The following CNTNAP3B variants were observed in gnomAD, a reference collection of about 807,000 sequenced individuals.
CNTNAP3B encodes contactin-associated protein-like 3B.
A neutral mutation model predicts 108.9 loss-of-function variants in CNTNAP3B; 25 were observed. The observed-to-expected ratio is 0.23, with a 90% confidence interval of 0.17 to 0.32. The LOEUF (loss-of-function observed/expected upper bound fraction) is 0.32, where lower values mean the gene tolerates loss of function less well. Among genes scored for constraint, CNTNAP3B ranks in the 10% least tolerant of loss-of-function variants. The pLI is 1.00. For missense variants in CNTNAP3B, 252 were observed against 1,210.4 expected, an observed-to-expected ratio of 0.21 and a Z score of 11.75; for synonymous variants, 103 against 473.4, an observed-to-expected ratio of 0.22 and a Z score of 10.16.
At chr9:42,100,316 T>G (rs369706184) in intron 2 of CNTNAP3B, among the ~76,000 whole-genome samples, 764 of 59,220 alleles carry the variant, frequency 0.013, 112 homozygotes, top group South Asian at 0.055. Flanking sequence ...AGCAGACATG[T>G]TACAGCTACA....
intron 14 of CNTNAP3B, among the ~76,000 whole-genome samples, chr9:41,933,997 A>T (rs377383285): frequency 6.6e-6 from 1 of 151,624 alleles, no homozygotes; most frequent in African/African-American, 2.4e-5. Flanking sequence ...TTTGTTAATT[A>T]TAATATTAAA....
chr9:41,951,937 C>A (rs62536508), intron 13 of CNTNAP3B, among the ~76,000 whole-genome samples: 2 of 150,074 alleles, frequency 1.3e-5, no homozygotes, highest in South Asian at 4.3e-4. Flanking sequence ...ATTAGCCGGG[C>A]GTGGCGGCAC....
At chr9:42,056,649 A>C (rs1403318702) in intron 3 of CNTNAP3B, among the ~76,000 whole-genome samples, 1 of 138,262 alleles carries the variant, frequency 7.2e-6, no homozygotes, top group African/African-American at 2.9e-5. Context: ...CGCGCCAAGC[A>C]TTATCTCATA....
chr9:41,960,565 G>A (rs1347141195), intron 12 of CNTNAP3B, among the ~76,000 whole-genome samples: 1 of 152,262 alleles, frequency 6.6e-6, no homozygotes, highest in African/African-American at 2.4e-5. Context: ...GAGATGCCTT[G>A]GCAGAGCATT....
intron 14 of CNTNAP3B, among the ~76,000 whole-genome samples, chr9:41,934,130 C>CATATATATATACACAT (rs1410192498): frequency 0.083 from 9,437 of 114,162 alleles, 98 homozygotes; most frequent in Middle Eastern, 0.16. Context: ...TATACACACA[C>CATATATATATACACAT]ATATATATAT....
chr9:42,073,269 G>C, intron 3 of CNTNAP3B, among the ~76,000 whole-genome samples: 1 of 74,942 alleles, frequency 1.3e-5, no homozygotes, highest in East Asian at 4.1e-4. Context: ...ATCCCTAGGA[G>C]AGAGCTGGAA....
intron 9 of CNTNAP3B, among the ~76,000 whole-genome samples, chr9:41,973,510 G>A (rs1265836211): frequency 2.3e-5 from 3 of 127,950 alleles, no homozygotes; most frequent in Admixed American, 7.9e-5. Flanking sequence ...ATGCAGTGTT[G>A]CCACAAGTTC....
rs1826154215 is a variant in CNTNAP3B at position 42,012,828 on chromosome 9, C to A, written c.538+550G>T. Reference sequence around the variant, plus strand: ...TGTTTGTGTTATATTCATGTCGGCCCCATCCTTTCCACTTTTATAACAAAG... The same window carrying A: ...TGTTTGTGTTATATTCATGTCGGCCACATCCTTTCCACTTTTATAACAAAG... On this transcript the variant is annotated intron_variant, in intron 4 of 23. Coordinates refer to ENST00000377561, the MANE Select transcript of CNTNAP3B (RefSeq NM_001201380.3). 4.3e-5 allele frequency among the ~76,000 whole-genome samples: 4 copies of A among 93,528 alleles called. 1 individual carries two copies. The South Asian group carries it at 1.3e-3, about 31-fold the overall frequency. 61.4% of individuals were successfully genotyped at this position (93,528 alleles called of 152,430 possible). A position where few individuals can be genotyped will look rare whatever the true frequency, so the allele number is the denominator to read the frequency against.
At chr9:41,938,683 A>T (rs921751736) in intron 13 of CNTNAP3B, among the ~76,000 whole-genome samples, 4 of 152,404 alleles carry the variant, frequency 2.6e-5, no homozygotes, top group African/African-American at 4.8e-5. Flanking sequence ...TATAGAAATA[A>T]CATTCAAAAA....
chr9:41,934,119 A>ATATATG (rs1824072031), intron 14 of CNTNAP3B, among the ~76,000 whole-genome samples: 1 of 135,804 alleles, frequency 7.4e-6, no homozygotes, highest in African/African-American at 3.1e-5. Flanking sequence ...ATATATATAT[A>ATATATG]TATACACACA....
chr9:41,916,141 T>C (rs1436962663), intron 18 of CNTNAP3B, among the ~76,000 whole-genome samples: 2 of 147,254 alleles, frequency 1.4e-5, no homozygotes, highest in East Asian at 3.9e-4. Context: ...CTCTCTTATT[T>C]ACCATTTCTA....
At chr9:42,097,864 T>C (rs931388383) in intron 2 of CNTNAP3B, among the ~76,000 whole-genome samples, 1 of 137,926 alleles carries the variant, frequency 7.3e-6, no homozygotes, top group African/African-American at 2.9e-5. Flanking sequence ...TGCTAAGCAT[T>C]TATTTAATTA....
intron 18 of CNTNAP3B, among the ~76,000 whole-genome samples, chr9:41,919,255 C>T (rs1334703750): frequency 6.6e-6 from 1 of 152,112 alleles, no homozygotes; most frequent in Non-Finnish European, 1.5e-5. Flanking sequence ...CTGCCTCAGC[C>T]TCCCGAGTAG....
intron 1 of CNTNAP3B, among the ~76,000 whole-genome samples, chr9:42,127,715 A>G (rs1242424577): frequency 1.4e-5 from 2 of 139,696 alleles, no homozygotes; most frequent in East Asian, 4.3e-4. Context: ...ATCTGACCAA[A>G]GCAATCCGGA....
Position 42,118,007 on chromosome 9 carries a change from C to A in CNTNAP3B, c.85+11003G>T, listed in dbSNP as rs1280339205. On this transcript the variant is annotated intron_variant, in intron 1 of 23. Transcript: ENST00000377561. ...GTTGAATCTCTGAATAGACCAATAA[C>A]AGGCTCTGAAATTGAGGCAATAAGT... Among the ~76,000 whole-genome samples the A allele has an allele frequency of 9.7e-4, 129 of 133,330 alleles. 14 individuals carry two copies. The highest frequency in any genetic ancestry group is 1.7e-3 in the South Asian group (7 of 4,132). 87.5% of individuals were successfully genotyped at this position (133,330 alleles called of 152,430 possible).
intron 15 of CNTNAP3B, among the ~76,000 whole-genome samples, chr9:41,924,890 C>T (rs1275238765): frequency 6.6e-6 from 1 of 152,264 alleles, no homozygotes; most frequent in Non-Finnish European, 1.5e-5. Context: ...AGTTGACTTT[C>T]AGAATGTTCC....
rs1223898867 is a variant in CNTNAP3B, at chr9:41,920,194, C to G, written c.2871G>C (p.Gly957=). 6.3e-7 allele frequency: 1 copy of G among 1,586,044 alleles called. No homozygotes were observed. The highest frequency in any genetic ancestry group is 8.6e-7 in the Non-Finnish European group (1 of 1,164,336). ...CATAGGTGCTGCAGTGTCCTGCACACCCTGGCTCCACTCCTGGCGTCACTG... is the reference window on the plus strand; with the variant it reads ...CATAGGTGCTGCAGTGTCCTGCACAGCCTGGCTCCACTCCTGGCGTCACTG... ...RATVTPGVEP[G]CAGHCSTYGH... is the part of the protein sequence containing the mutation. The change falls in exon 18 of 24, where the codon GGG becomes GGC. Residue 957 remains glycine, a synonymous_variant. Transcript: ENST00000377561.
intron 14 of CNTNAP3B, among the ~76,000 whole-genome samples, chr9:41,933,307 C>T (rs1824037987): frequency 1.3e-5 from 2 of 152,422 alleles, no homozygotes; most frequent in South Asian, 4.1e-4. Context: ...AAACAACCTT[C>T]CTCTCTGTGT....
intron 15 of CNTNAP3B, among the ~76,000 whole-genome samples, chr9:41,925,264 C>T (rs1823781623): frequency 6.6e-6 from 1 of 150,472 alleles, no homozygotes; most frequent in Non-Finnish European, 1.5e-5. Context: ...TCTGTCATTC[C>T]TTCCACATTA....
Sources: gnomAD v4.1 joint callset for allele counts (sites outside exome capture counted in the v4.1 genomes callset) on GRCh38, gnomAD v4.1.1 for gene constraint, MANE v1.5 for transcripts, NCBI Gene and HGNC (gene_info 2026-07-23, HGNC 2026-07-21) for gene names.